The following CTNNA3 variants were observed in gnomAD, a reference collection of about 807,000 sequenced individuals.
CTNNA3 encodes catenin alpha 3, also known as catenin alpha-3.
A neutral mutation model predicts 95.7 loss-of-function variants in CTNNA3; 76 were observed. That is an observed-to-expected ratio of 0.79 (90% CI 0.66 to 0.96). The LOEUF is 0.96. CTNNA3 is among the 40% of genes least tolerant of loss of function. CTNNA3 has a pLI of 0.00. For missense variants in CTNNA3, 1,191 were observed against 1,089.8 expected (o/e 1.09, Z -1.31); for synonymous variants, 431 against 374.4 (o/e 1.15, Z -1.74).
At chr10:66,493,799 G>GT (rs1477993431) in intron 11 of CTNNA3, among the ~76,000 whole-genome samples, 1 of 150,278 alleles carries the variant, frequency 6.7e-6, no homozygotes, top group East Asian at 2.0e-4. Context: ...TAGAGACGGG[G>GT]TTTCACCGTG....
At chr10:66,913,262 AAAAG>A (rs1846315020) in intron 7 of CTNNA3, among the ~76,000 whole-genome samples, 12 of 145,940 alleles carry the variant, frequency 8.2e-5, no homozygotes, top group African/African-American at 2.2e-4. Context: ...AAAAAAAAAA[AAAAG>A]AAAAAGAAAA....
At chr10:67,532,863 G>A (rs1486991296) in intron 4 of CTNNA3, among the ~76,000 whole-genome samples, 7 of 152,066 alleles carry the variant, frequency 4.6e-5, no homozygotes, top group African/African-American at 1.7e-4. Flanking sequence ...ACCAAAGCTC[G>A]CAGATTTTTA....
chr10:66,848,390 C>A (rs1843357366), intron 7 of CTNNA3, among the ~76,000 whole-genome samples: 1 of 152,156 alleles, frequency 6.6e-6, no homozygotes, highest in Non-Finnish European at 1.5e-5. Flanking sequence ...ACAGAGGGCG[C>A]TGGATCCTCC....
chr10:66,861,318 C>T (rs1226871301), intron 7 of CTNNA3, among the ~76,000 whole-genome samples: 2 of 152,164 alleles, frequency 1.3e-5, no homozygotes, highest in Non-Finnish European at 2.9e-5. Context: ...GGAGTTTGCA[C>T]GTTCTGCCCA....
Position 66,407,070 on chromosome 10 carries a change from G to A in CTNNA3, c.1532-27718C>T, listed in dbSNP as rs559165409. Reference sequence around the variant, plus strand: ...TGATACTAATAAATGCCTATCCTCCGACTTTCCAAGAATATCAAACACCAG... The same window carrying A: ...TGATACTAATAAATGCCTATCCTCCAACTTTCCAAGAATATCAAACACCAG... On this transcript the variant is annotated intron_variant, in intron 11 of 17. Coordinates refer to ENST00000433211, the MANE Select transcript of CTNNA3 (RefSeq NM_013266.4). Among the ~76,000 whole-genome samples the A allele has an allele frequency of 1.1e-4, 17 of 151,656 alleles. No individual in the cohort carries two copies. In the South Asian group the frequency reaches 2.7e-3, roughly 24 times the overall value.
intron 11 of CTNNA3, among the ~76,000 whole-genome samples, chr10:66,436,454 T>C (rs2093338170): frequency 1.3e-5 from 2 of 151,936 alleles, no homozygotes; most frequent in African/African-American, 4.8e-5. Context: ...TTTTTATCTT[T>C]GTTGGTTTAA....
chr10:65,941,980 C>T (rs1564528792), intron 17 of CTNNA3, among the ~76,000 whole-genome samples: 1 of 152,156 alleles, frequency 6.6e-6, no homozygotes, highest in Non-Finnish European at 1.5e-5. Flanking sequence ...TAATTGCCTG[C>T]CCCAAGCCCT....
chr10:66,114,180 A>T (rs1362058314), intron 13 of CTNNA3, among the ~76,000 whole-genome samples: 3 of 152,136 alleles, frequency 2.0e-5, no homozygotes, highest in Non-Finnish European at 2.9e-5. Context: ...AATAAACTCT[A>T]CATATGTGAT....
At chr10:67,645,066 C>G (rs1203063510) in intron 2 of CTNNA3, among the ~76,000 whole-genome samples, 3 of 152,074 alleles carry the variant, frequency 2.0e-5, no homozygotes, top group Non-Finnish European at 4.4e-5. Context: ...AAAAGAGATA[C>G]ATTTCTTTCC....
chr10:67,735,434 TAA>T (rs1362831182), intron 1 of CTNNA3, among the ~76,000 whole-genome samples: 17 of 152,078 alleles, frequency 1.1e-4, no homozygotes, highest in African/African-American at 3.9e-4. Context: ...GGATATAATA[TAA>T]GTTATATTAA....
chr10:66,974,635 G>C (rs891753888), intron 7 of CTNNA3, among the ~76,000 whole-genome samples: 2 of 152,110 alleles, frequency 1.3e-5, no homozygotes, highest in African/African-American at 4.8e-5. Context: ...TAATGTATAA[G>C]AGTTTCATTG....
At chr10:67,424,874 A>G (rs1307299461) in intron 5 of CTNNA3, among the ~76,000 whole-genome samples, 1 of 152,132 alleles carries the variant, frequency 6.6e-6, no homozygotes, top group African/African-American at 2.4e-5. Context: ...TGTTAAATGA[A>G]TACATAGGTC....
intron 11 of CTNNA3, among the ~76,000 whole-genome samples, chr10:66,516,290 T>C (rs1272961907): frequency 1.3e-5 from 2 of 152,144 alleles, no homozygotes; most frequent in Non-Finnish European, 2.9e-5. Flanking sequence ...TAATATAAGA[T>C]AAGCTTATGA....
chr10:65,960,279 G>A (rs181750692), intron 17 of CTNNA3, among the ~76,000 whole-genome samples: 3 of 151,746 alleles, frequency 2.0e-5, no homozygotes, highest in Admixed American at 2.0e-4. Context: ...GCTCACACCT[G>A]TAATCCCAGC....
chr10:67,532,420 A>G (rs1199035332), intron 4 of CTNNA3, among the ~76,000 whole-genome samples: 1 of 152,220 alleles, frequency 6.6e-6, no homozygotes, highest in Non-Finnish European at 1.5e-5. Context: ...TGTCATAGTC[A>G]GAATTATTGT....
At chr10:67,452,323 A>G (rs1248268488) in intron 5 of CTNNA3, among the ~76,000 whole-genome samples, 1 of 152,212 alleles carries the variant, frequency 6.6e-6, no homozygotes, top group African/African-American at 2.4e-5. Flanking sequence ...ATGAGACTCA[A>G]TTAACTTTAA....
intron 13 of CTNNA3, among the ~76,000 whole-genome samples, chr10:66,277,711 G>A (rs1289670750): frequency 6.6e-6 from 1 of 152,068 alleles, no homozygotes; most frequent in African/African-American, 2.4e-5. Flanking sequence ...AGGGAACTGG[G>A]GGTATAGAGA....
At chr10:66,460,263 C>T (rs746273601) in intron 11 of CTNNA3, among the ~76,000 whole-genome samples, 47 of 152,172 alleles carry the variant, frequency 3.1e-4, no homozygotes, top group Non-Finnish European at 3.5e-4. Flanking sequence ...TTTAATGCTG[C>T]CCTCAGGCTG....
chr10:67,293,827 C>G (rs10997607), intron 5 of CTNNA3, among the ~76,000 whole-genome samples: 38,086 of 151,796 alleles, frequency 0.25, 6,976 homozygotes, highest in African/African-American at 0.51. Flanking sequence ...TCATCCATGT[C>G]CCTACAAAGG....
Sources: allele counts gnomAD v4.1 joint callset (sites outside exome capture counted in the v4.1 genomes callset), GRCh38; gene constraint gnomAD v4.1.1; transcripts MANE v1.5; gene names NCBI Gene and HGNC (gene_info 2026-07-23, HGNC 2026-07-21).